FANCA: variants seen among roughly 807,000 people sequenced by gnomAD.
FANCA encodes Fanconi anemia group A protein.
Under a neutral mutation model 194.3 loss-of-function variants are expected in FANCA, and 236 were observed. The ratio of observed to expected loss-of-function variants is 1.21; its 90% CI spans 1.09 to 1.35. The LOEUF (loss-of-function observed/expected upper bound fraction) is 1.35. Ranked by LOEUF, FANCA falls within the 40% of genes most tolerant of loss-of-function variation. FANCA has a pLI of 0.00. For synonymous variants in FANCA, 1,014 were observed against 715.8 expected, an observed-to-expected ratio of 1.42 and a Z score of -6.65; for missense variants, 2,628 against 1,813.9, an observed-to-expected ratio of 1.45 and a Z score of -8.15.
intron 3 of FANCA, among the ~76,000 whole-genome samples, chr16:89,812,655 A>C (rs112755815): frequency 1.4e-4 from 17 of 125,336 alleles, no homozygotes; most frequent in South Asian, 1.1e-3. Context: ...TCAAAAAAAA[A>C]AAAAAAAAAA....
intron 20 of FANCA, among the ~76,000 whole-genome samples, chr16:89,777,654 T>C (rs17226407): frequency 0.025 from 3,858 of 152,196 alleles, 181 homozygotes; most frequent in African/African-American, 0.088. Context: ...ATAGGACTTA[T>C]ACTTTCCTAT....
At chr16:89,761,827 T>C (rs2038962899) in intron 29 of FANCA, 122 bp downstream of exon 29, 4 of 796,016 alleles carry the variant, frequency 5.0e-6, no homozygotes, top group Middle Eastern at 2.5e-4. Flanking sequence ...AGTTTCCCCA[T>C]GTTGCCCAGG....
intron 29 of FANCA, among the ~76,000 whole-genome samples, chr16:89,758,972 G>A (rs965613633): frequency 6.6e-6 from 1 of 152,042 alleles, no homozygotes. Context: ...CATCCCACGG[G>A]GTAACTGCTG....
intron 28 of FANCA, chr16:89,762,787 T>A (rs147184552): frequency 2.2e-6 from 1 of 450,466 alleles, no homozygotes; most frequent in Non-Finnish European, 4.4e-6. Flanking sequence ...CACATCACCA[T>A]GACCAGCTAA....
At chr16:89,810,452 G>A in intron 5 of FANCA, 1 of 469,700 alleles carries the variant, frequency 2.1e-6, no homozygotes, top group East Asian at 4.1e-5. Flanking sequence ...ATATACCCAA[G>A]GCTAAACGTG....
rs1314076022 is a variant in FANCA at position 89,788,009 on chromosome 16, G to A, written c.1360-3045C>T. Among the ~76,000 whole-genome samples, 3 of 151,874 alleles carry A rather than the reference G, an allele frequency of 2.0e-5. No homozygotes were observed. The East Asian group carries it at 5.9e-4, about 30-fold the overall frequency. Reference sequence around the variant, plus strand: ...CTGCCTCGGCCTTCTGAGTAGCTGGGATTACAGGCACCTGCCACCATACCA... The same window carrying A: ...CTGCCTCGGCCTTCTGAGTAGCTGGAATTACAGGCACCTGCCACCATACCA... On this transcript the variant is annotated intron_variant, in intron 14 of 42. Transcript: ENST00000389301.
rs538488991 is a variant in FANCA, at chr16:89,773,981, A to G, written c.1901-597T>C. Among the ~76,000 whole-genome samples, 89 of 152,090 alleles carry G rather than the reference A, an allele frequency of 5.9e-4. 3 individuals are homozygous for G. In the South Asian group the frequency reaches 0.017, roughly 30 times the overall value. On this transcript the variant is annotated intron_variant, in intron 21 of 42. Coordinates refer to ENST00000389301, the MANE Select transcript of FANCA (RefSeq NM_000135.4). ...AGACGGGATTTCACCACGTTGGCCA[A>G]GATGGTCTCGATCTCCTGACCTCAT...
Position 89,761,862 on chromosome 16 carries a change from G to C in FANCA, c.2852+87C>G, listed in dbSNP as rs1001402786. ...GCTGACCTCAAACTCCTGGATTCAA[G>C]AGATCTCCTGCCTCAGCCTCCCAAA... On this transcript the variant is annotated intron_variant, in intron 29 of 42. Transcript: ENST00000389301. 6 of 1,051,992 alleles carry C rather than the reference G, an allele frequency of 5.7e-6. No homozygotes were observed. The Admixed American group carries it at 1.0e-4, about 18-fold the overall frequency. The allele number at this position is 1,051,992 out of a possible 1,614,324, so 65.2% of individuals were successfully genotyped here. A position where few individuals can be genotyped will look rare whatever the true frequency, so the allele number is the denominator to read the frequency against.
chr16:89,811,171 C>CA (rs770223840), intron 3 of FANCA, 100 bp from the exon 4 acceptor site: 229 of 1,503,354 alleles, frequency 1.5e-4, no homozygotes, highest in African/African-American at 2.2e-4. Context: ...AGATGCAGCA[C>CA]AAAAAAAATT....
chr16:89,789,213 G>A (rs980675813), intron 14 of FANCA, among the ~76,000 whole-genome samples: 1 of 151,800 alleles, frequency 6.6e-6, no homozygotes, highest in African/African-American at 2.4e-5. Flanking sequence ...GAATAGAAGT[G>A]AGTTGACACT....
intron 14 of FANCA, among the ~76,000 whole-genome samples, chr16:89,789,183 A>G (rs990577517): frequency 1.3e-5 from 2 of 151,980 alleles, no homozygotes; most frequent in Admixed American, 1.3e-4. Context: ...GCCTGAGGGC[A>G]GGTGAGAAGG....
intron 3 of FANCA, among the ~76,000 whole-genome samples, 169 bp downstream of exon 3, chr16:89,814,348 TAAG>T (rs2041018536): frequency 6.6e-6 from 1 of 152,138 alleles, no homozygotes; most frequent in Non-Finnish European, 1.5e-5. Flanking sequence ...CACAGCATCG[TAAG>T]AAGCCCAAGA....
intron 37 of FANCA, among the ~76,000 whole-genome samples, chr16:89,741,152 G>C (rs568561603): frequency 1.3e-5 from 2 of 152,196 alleles, no homozygotes; most frequent in Non-Finnish European, 2.9e-5. Context: ...TTGGCTGTGC[G>C]CAGTCCCAAC....
intron 20 of FANCA, among the ~76,000 whole-genome samples, chr16:89,776,299 G>T (rs927929969): frequency 1.3e-5 from 2 of 150,308 alleles, no homozygotes; most frequent in South Asian, 4.2e-4. Context: ...TCCCGAGTAG[G>T]TGGGATTACA....
chr16:89,784,554 G>A (rs17226246), intron 15 of FANCA, among the ~76,000 whole-genome samples: 1 of 152,124 alleles, frequency 6.6e-6, no homozygotes, highest in Admixed American at 6.5e-5. Context: ...TTTTGAGGGA[G>A]ACTGAACAGT....
chr16:89,791,017 GTGTGTGTTT>G, intron 14 of FANCA: 1 of 259,500 alleles, frequency 3.9e-6, no homozygotes, highest in African/African-American at 3.1e-5. Flanking sequence ...GTGTGTGTGT[GTGTGTGTTT>G]TTTTTTTTTT....
Position 89,758,654 on chromosome 16 carries a change from C to G in FANCA, c.2904G>C (p.Ser968=), listed in dbSNP as rs568354015. 1.9e-6 allele frequency: 3 copies of G among 1,614,044 alleles called. No homozygotes were observed. Among genetic ancestry groups the G allele is most frequent in the Non-Finnish European group, 2.5e-6 (3 of 1,179,948 alleles). Residue 968 remains serine, a synonymous_variant, in exon 30 of 43, where the codon TCG becomes TCC. Transcript: ENST00000389301. ...GGTCTCCGTCACAGCCCCCTGAAGC[C>G]GAGGACTCAGGGAGAAAGTGCTCAT... is the stretch of plus-strand genomic sequence containing the variant. The part of the protein sequence containing the change: ...AIHEHFLPES[S]ASGGCDGDLQ...
chr16:89,802,697 C>A (rs71396967), intron 8 of FANCA, among the ~76,000 whole-genome samples: 2,106 of 152,312 alleles, frequency 0.014, 36 homozygotes, highest in South Asian at 0.094. Flanking sequence ...GCCACCATGC[C>A]CGGCCAGCTA....
Position 89,816,560 on chromosome 16 carries a change from C to T in FANCA, c.56G>A (p.Arg19Gln), listed in dbSNP as rs1446775327. 1 of 1,511,916 alleles carries T rather than the reference C, an allele frequency of 6.6e-7. No individual in the cohort carries two copies. The highest frequency in any genetic ancestry group is 8.8e-7 in the Non-Finnish European group (1 of 1,137,926). 93.7% of individuals were successfully genotyped at this position (1,511,916 alleles called of 1,614,324 possible). Reference protein sequence around the residue: ...SASGQDPGGRRRAWAELLAGR... With the variant: ...SASGQDPGGRQRAWAELLAGR... ...ACCCAGCAGCTCGGCCCAGGCCCTCCGGCGGCCCCCTGGGTCCTGGCCCGA... is the reference window on the plus strand; with the variant it reads ...ACCCAGCAGCTCGGCCCAGGCCCTCTGGCGGCCCCCTGGGTCCTGGCCCGA... The change falls in exon 1 of 43, where the codon CGG becomes CAG. Residue 19 changes from arginine to glutamine, a missense_variant. Physicochemically the swap from Arg to Gln is conservative, Grantham distance 43 (BLOSUM62 1). Coordinates refer to ENST00000389301, the MANE Select transcript of FANCA (RefSeq NM_000135.4).
Sources: gnomAD v4.1 joint callset for allele counts (sites outside exome capture counted in the v4.1 genomes callset) on GRCh38, gnomAD v4.1.1 for gene constraint, MANE v1.5 for transcripts, NCBI Gene and HGNC (gene_info 2026-07-23, HGNC 2026-07-21) for gene names.